The following RGL1 variants were observed in gnomAD, a reference collection of about 807,000 sequenced individuals.
The protein encoded by RGL1 is ral guanine nucleotide dissociation stimulator-like 1.
Under a neutral mutation model 95.2 loss-of-function variants are expected in RGL1, and 24 were observed. The observed-to-expected ratio is 0.25, with a 90% CI of 0.18 to 0.35. The LOEUF (loss-of-function observed/expected upper bound fraction) is 0.35. RGL1 is among the 10% of genes least tolerant of loss of function. The pLI, the probability that RGL1 is intolerant of heterozygous loss-of-function variation, is 1.00. For synonymous variants in RGL1, 329 were observed against 344.9 expected (o/e 0.95, Z 0.51); for missense variants, 715 against 936.3 (o/e 0.76, Z 3.08).
At chr1:183,762,190 A>C (rs946821230) in intron 2 of RGL1, among the ~76,000 whole-genome samples, 1 of 152,238 alleles carries the variant, frequency 6.6e-6, no homozygotes, top group African/African-American at 2.4e-5. Context: ...ACCATTTGGC[A>C]CAAGAGGCTT....
intron 4 of RGL1, among the ~76,000 whole-genome samples, chr1:183,874,338 T>G (rs1424386430): frequency 6.6e-6 from 1 of 152,180 alleles, no homozygotes; most frequent in African/African-American, 2.4e-5. Flanking sequence ...ATGAAAATAT[T>G]TCTCTTAAGT....
In RGL1 at chr1:183,883,860, A is replaced by G; in HGVS notation, c.685A>G (p.Thr229Ala). 6.2e-7 allele frequency: 1 copy of G among 1,614,142 alleles called. No homozygotes were observed. The highest frequency in any genetic ancestry group is 8.5e-7 in the Non-Finnish European group (1 of 1,179,936). The change falls in exon 6 of 18, where the codon ACG becomes GCG. Residue 229 changes from threonine to alanine, a missense_variant. By Grantham distance (58) the Thr-to-Ala change is moderately conservative. Transcript: ENST00000360851. ...GGAGGGTGGAGAGTCAGCAGAATTC[A>G]CGTGCTTCTCAGAAGATCTCGTGGC... ...ELEGGESAEF[T>A]CFSEDLVAEQ... is the part of the protein sequence containing the mutation.
chr1:183,804,125 G>A (rs1277769580), upstream of RGL1, among the ~76,000 whole-genome samples: 2 of 151,734 alleles, frequency 1.3e-5, no homozygotes, highest in Non-Finnish European at 2.9e-5. Flanking sequence ...TTGCTAAATT[G>A]TCAGCTCATG....
At position 183,865,999 on chromosome 1, in the gene RGL1, T is replaced by C. The variant is rs779581522; in HGVS notation, c.351T>C (p.Tyr117=). The part of the protein sequence containing the change: ...KEVLELLLDR[Y]GNLTSPNCEE... ...TTGTTCATTATTATCTCTACAGGTA[T>C]GGAAACCTGACAAGCCCAAACTGTG... is the stretch of plus-strand genomic sequence containing the variant. Residue 117 remains tyrosine, a synonymous_variant, in exon 4 of 18, where the codon TAT becomes TAC. Coordinates refer to ENST00000360851, the MANE Select transcript of RGL1 (RefSeq NM_001297671.3). The C allele has an allele frequency of 1.9e-6, 3 of 1,613,056 alleles. No individual in the cohort carries two copies. Among genetic ancestry groups the C allele is most frequent in the Admixed American group, 1.7e-5 (1 of 60,022 alleles).
intron 2 of RGL1, among the ~76,000 whole-genome samples, chr1:183,827,976 C>T (rs1391029119): frequency 6.6e-6 from 1 of 152,210 alleles, no homozygotes; most frequent in East Asian, 1.9e-4. Context: ...CATCCAGGAC[C>T]ATTGTGTCCA....
At chr1:183,867,971 T>C (rs1380957823) in intron 4 of RGL1, among the ~76,000 whole-genome samples, 3 of 152,210 alleles carry the variant, frequency 2.0e-5, no homozygotes, top group African/African-American at 4.8e-5. Context: ...GGATCATAAC[T>C]TTCCAGAAAA....
intron 3 of RGL1, among the ~76,000 whole-genome samples, chr1:183,856,964 G>C (rs1205427230): frequency 6.6e-6 from 1 of 152,126 alleles, no homozygotes; most frequent in Non-Finnish European, 1.5e-5. Context: ...CATATCCAAA[G>C]ATGTCCACAT....
intron 2 of RGL1, among the ~76,000 whole-genome samples, chr1:183,756,473 C>T (rs2102295934): frequency 6.6e-6 from 1 of 152,310 alleles, no homozygotes; most frequent in East Asian, 1.9e-4. Flanking sequence ...TACTTAGAAA[C>T]TTAGGAAGTA....
chr1:183,865,357 T>C (rs1665761886), intron 3 of RGL1, among the ~76,000 whole-genome samples: 1 of 152,230 alleles, frequency 6.6e-6, no homozygotes, highest in Non-Finnish European at 1.5e-5. Flanking sequence ...CCCCAGTTGC[T>C]GTGTCTAGCG....
chr1:183,842,360 C>T (rs1375438512), intron 2 of RGL1, among the ~76,000 whole-genome samples: 2 of 151,740 alleles, frequency 1.3e-5, no homozygotes, highest in Non-Finnish European at 2.9e-5. Flanking sequence ...TTAGAAACAC[C>T]CAACTGGTTA....
At chr1:183,870,405 C>T (rs1423169269) in intron 4 of RGL1, among the ~76,000 whole-genome samples, 3 of 115,590 alleles carry the variant, frequency 2.6e-5, no homozygotes, top group African/African-American at 1.0e-4. Context: ...GGGTAGTTGT[C>T]TTCCGGCCAG....
intron 3 of RGL1, among the ~76,000 whole-genome samples, chr1:183,863,009 T>C (rs1383800059): frequency 6.6e-6 from 1 of 152,194 alleles, no homozygotes; most frequent in Non-Finnish European, 1.5e-5. Context: ...TGGGAAGGCC[T>C]CACTGATAAA....
At chr1:183,652,409 G>A (rs985930154) in intron 1 of RGL1, among the ~76,000 whole-genome samples, 2 of 152,158 alleles carry the variant, frequency 1.3e-5, no homozygotes, top group Non-Finnish European at 2.9e-5. Context: ...ACCAACTATA[G>A]TTTCCTATTG....
chr1:183,730,734 A>C (rs1656582161), intron 1 of RGL1, among the ~76,000 whole-genome samples: 1 of 152,160 alleles, frequency 6.6e-6, no homozygotes, highest in South Asian at 2.1e-4. Context: ...GAAACAGGGA[A>C]GGAGGGAGAG....
chr1:183,737,765 A>G (rs1572349924), intron 1 of RGL1, among the ~76,000 whole-genome samples: 1 of 152,004 alleles, frequency 6.6e-6, no homozygotes, highest in East Asian at 1.9e-4. Flanking sequence ...TTCCCAAACA[A>G]TTTTCTTTTT....
intron 2 of RGL1, among the ~76,000 whole-genome samples, chr1:183,757,084 T>C (rs1159715853): frequency 3.3e-5 from 5 of 151,608 alleles, no homozygotes; most frequent in African/African-American, 4.8e-5. Flanking sequence ...ACTGGACTTA[T>C]CTATGTTCAA....
chr1:183,742,053 A>G, intron 1 of RGL1: 1 of 1,248,812 alleles, frequency 8.0e-7, no homozygotes. Flanking sequence ...GTCAAGCATG[A>G]TAATTTGCTT....
At chr1:183,890,120 A>G (rs1253694570) in intron 8 of RGL1, among the ~76,000 whole-genome samples, 1 of 152,052 alleles carries the variant, frequency 6.6e-6, no homozygotes, top group Non-Finnish European at 1.5e-5. Flanking sequence ...ACCACTCTCC[A>G]CTCAACTGTA....
chr1:183,731,471 G>T (rs1460358686), intron 1 of RGL1, among the ~76,000 whole-genome samples: 1 of 152,136 alleles, frequency 6.6e-6, no homozygotes, highest in Non-Finnish European at 1.5e-5. Context: ...CTCAGCTTTG[G>T]TAGAAAAGGT....
Sources: allele counts gnomAD v4.1 joint callset (sites outside exome capture counted in the v4.1 genomes callset), GRCh38; gene constraint gnomAD v4.1.1; transcripts MANE v1.5; gene names NCBI Gene and HGNC (gene_info 2026-07-23, HGNC 2026-07-21).